The following DMD variants were observed in gnomAD, a reference collection of about 807,000 sequenced individuals.
The protein encoded by DMD is dystrophin, also known as mutant dystrophin.
In DMD, 63 loss-of-function variants were observed where a neutral mutation model predicts 330.1. The ratio of observed to expected loss-of-function variants is 0.19; its 90% CI spans 0.16 to 0.24. DMD has a LOEUF of 0.24. Among genes scored for constraint, DMD ranks in the 10% least tolerant of loss-of-function variants. The pLI is 1.00. For missense variants in DMD, 3,344 were observed against 2,684.1 expected (o/e 1.25, Z -5.43); for synonymous variants, 1,223 against 959.8 (o/e 1.27, Z -5.07).
At chrX:33,081,568 C>G (rs1043869233) in intron 1 of DMD, among the ~76,000 whole-genome samples, 1 of 112,312 alleles carries the variant, frequency 8.9e-6, no homozygotes, top group African/African-American at 3.2e-5. Flanking sequence ...GGATTACAAG[C>G]ACGAGCCACG....
chrX:31,145,835 C>G (rs7065573), intron 76 of DMD, among the ~76,000 whole-genome samples: 11,697 of 110,359 alleles, frequency 0.11, 1,328 homozygotes, highest in African/African-American at 0.34. Context: ...GCTAATTTTT[C>G]TATTTTTAGT....
chrX:31,434,446 A>G (rs774031852), intron 60 of DMD, among the ~76,000 whole-genome samples: 2,811 of 103,610 alleles, frequency 0.027, 63 homozygotes, highest in Middle Eastern at 0.05. Context: ...ACACACACAC[A>G]CACACACACA....
chrX:33,128,122 G>A, intron 1 of DMD: 1 of 1,204,733 alleles, frequency 8.3e-7, no homozygotes, highest in South Asian at 1.8e-5. Context: ...AATGGCTGTT[G>A]CATTTATCTG....
chrX:33,112,828 C>G (rs776599303), intron 1 of DMD, among the ~76,000 whole-genome samples: 2 of 108,542 alleles, frequency 1.8e-5, no homozygotes, highest in African/African-American at 6.7e-5. Context: ...TGGCTCGTGC[C>G]TGTAATCCCA....
chrX:31,211,547 T>C (rs758280348), intron 64 of DMD, among the ~76,000 whole-genome samples: 22 of 112,562 alleles, frequency 2.0e-4, no homozygotes, highest in African/African-American at 7.1e-4. Context: ...CTAGTGAAAA[T>C]TTTTCGAATC....
At chrX:32,018,162 C>G (rs1401659005) in intron 44 of DMD, among the ~76,000 whole-genome samples, 4 of 111,569 alleles carry the variant, frequency 3.6e-5, no homozygotes, top group African/African-American at 1.3e-4. Context: ...AGGTGCATAA[C>G]TTAATAAGTC....
chrX:32,865,900 T>C (rs1357575571), intron 2 of DMD, among the ~76,000 whole-genome samples: 1 of 112,284 alleles, frequency 8.9e-6, no homozygotes, highest in African/African-American at 3.2e-5. Context: ...TCCATACCCT[T>C]TGCAATGTAG....
At chrX:32,610,028 G>A (rs769011028) in intron 12 of DMD, among the ~76,000 whole-genome samples, 2 of 111,118 alleles carry the variant, frequency 1.8e-5, no homozygotes, top group African/African-American at 3.3e-5. Context: ...TACTATTAAT[G>A]AAAGCTCAAG....
At chrX:31,780,949 G>C (rs1603465186) in intron 50 of DMD, among the ~76,000 whole-genome samples, 1 of 110,135 alleles carries the variant, frequency 9.1e-6, no homozygotes, top group East Asian at 2.8e-4. Flanking sequence ...CTGGATTTAA[G>C]AAAAAAAAAT....
intron 9 of DMD, among the ~76,000 whole-genome samples, chrX:32,678,861 G>A (rs2062157580): frequency 9.0e-6 from 1 of 110,690 alleles, no homozygotes; most frequent in Non-Finnish European, 1.9e-5. Context: ...TTACAACTTT[G>A]GCAATAAAAC....
intron 2 of DMD, among the ~76,000 whole-genome samples, chrX:32,950,368 G>C (rs66798150): frequency 0.14 from 15,159 of 110,503 alleles, 1,136 homozygotes; most frequent in African/African-American, 0.29. Flanking sequence ...CATTATGGAG[G>C]TAGTAAGTAG....
intron 62 of DMD, among the ~76,000 whole-genome samples, chrX:31,280,091 A>G (rs1299325399): frequency 8.9e-6 from 1 of 111,949 alleles, no homozygotes; most frequent in African/African-American, 3.3e-5. Context: ...CCTTTCTCAC[A>G]AATTCAGTTA....
chrX:32,520,279 C>G (rs1258991653), intron 17 of DMD, among the ~76,000 whole-genome samples: 1 of 112,138 alleles, frequency 8.9e-6, no homozygotes, highest in Non-Finnish European at 1.9e-5. Context: ...TTCACACTCT[C>G]TTCAGCGATG....
chrX:32,069,564 T>G (rs1245645514), intron 44 of DMD, among the ~76,000 whole-genome samples: 1 of 112,191 alleles, frequency 8.9e-6, no homozygotes, highest in East Asian at 2.8e-4. Flanking sequence ...AATGCTTTTC[T>G]ATAACATAGT....
At chrX:32,899,472 G>C (rs952026581) in intron 2 of DMD, among the ~76,000 whole-genome samples, 1 of 109,574 alleles carries the variant, frequency 9.1e-6, no homozygotes, top group Non-Finnish European at 1.9e-5. Context: ...TCAAGAGATC[G>C]AGACCATCCT....
chrX:33,310,198 A>G (rs1224514275), intron 1 of DMD, among the ~76,000 whole-genome samples: 1 of 111,546 alleles, frequency 9.0e-6, no homozygotes, highest in Non-Finnish European at 1.9e-5. Context: ...AGATATTCCA[A>G]TACAGAAATA....
chrX:32,849,625 A>G, intron 3 of DMD, 103 bp downstream of exon 3: 2 of 610,925 alleles, frequency 3.3e-6, no homozygotes, highest in East Asian at 3.4e-5. Flanking sequence ...TGTTTCAATC[A>G]GTACCTAGTC....
intron 46 of DMD, among the ~76,000 whole-genome samples, 180 bp from the exon 47 acceptor site, chrX:31,929,925 C>A (rs940083110): frequency 9.0e-6 from 1 of 111,395 alleles, no homozygotes; most frequent in Non-Finnish European, 1.9e-5. Context: ...ACACTCACCC[C>A]CTCAGTAGAT....
chrX:32,899,524 A>C (rs932135991), intron 2 of DMD, among the ~76,000 whole-genome samples: 2 of 109,174 alleles, frequency 1.8e-5, no homozygotes, highest in Non-Finnish European at 3.8e-5. Flanking sequence ...AAATACAAAA[A>C]TTAGCTGGTC....
Sources: gnomAD v4.1 joint callset for allele counts (sites outside exome capture counted in the v4.1 genomes callset) on GRCh38, gnomAD v4.1.1 for gene constraint, MANE v1.5 for transcripts, NCBI Gene and HGNC (gene_info 2026-07-23, HGNC 2026-07-21) for gene names.